Variants in UBE2E2 observed in about 807,000 individuals in gnomAD.
UBE2E2 encodes ubiquitin conjugating enzyme E2 E2, also known as ubiquitin-conjugating enzyme E2 E2.
In UBE2E2, 6 loss-of-function variants were observed where a neutral mutation model predicts 24.7. The observed-to-expected ratio is 0.24, with a 90% confidence interval of 0.13 to 0.48. The LOEUF (loss-of-function observed/expected upper bound fraction) is 0.48, where lower values mean the gene tolerates loss of function less well. UBE2E2 is among the 20% of genes least tolerant of loss of function. The probability of loss-of-function intolerance (pLI) is 0.99; values close to 1 mark genes in which losing one functional copy is unlikely to be tolerated. For missense variants in UBE2E2, 169 were observed against 245.0 expected (o/e 0.69, Z 2.07); for synonymous variants, 104 against 83.6 (o/e 1.24, Z -1.33).
At chr3:23,448,728 TA>T (rs1698489062) in intron 3 of UBE2E2, among the ~76,000 whole-genome samples, 1 of 152,170 alleles carries the variant, frequency 6.6e-6, no homozygotes. Context: ...ATCTTTCTTG[TA>T]ATGTAGACAG....
At chr3:23,367,111 T>C (rs1293941180) in intron 3 of UBE2E2, among the ~76,000 whole-genome samples, 8 of 152,226 alleles carry the variant, frequency 5.3e-5, no homozygotes, top group Non-Finnish European at 1.2e-4. Context: ...CCTGCAGTTC[T>C]CCATCATCCC....
In UBE2E2 at chr3:23,227,502, A is replaced by G. The variant is rs544054906; in HGVS notation, c.227+10190A>G. Among the ~76,000 whole-genome samples, 148 of 152,192 alleles carry G rather than the reference A, an allele frequency of 9.7e-4. 1 individual carries two copies. The highest frequency in any genetic ancestry group is 1.7e-3 in the Non-Finnish European group (117 of 68,026). On this transcript the variant is annotated intron_variant, in intron 3 of 5. Transcript: ENST00000396703. The stretch of plus-strand genomic sequence containing the variant: ...TTAACATGATAAAATTTAAATATAC[A>G]TTGAGGACCTATGTTATTTATTTAG...
chr3:23,561,471 A>T (rs949345644), intron 5 of UBE2E2, among the ~76,000 whole-genome samples: 1 of 152,030 alleles, frequency 6.6e-6, no homozygotes, highest in African/African-American at 2.4e-5. Context: ...TTTGGTTACT[A>T]TGGCCTTGTA....
intron 2 of UBE2E2, among the ~76,000 whole-genome samples, chr3:23,213,906 C>G (rs1223926781): frequency 6.6e-6 from 1 of 152,098 alleles, no homozygotes; most frequent in Non-Finnish European, 1.5e-5. Flanking sequence ...TTTCCTCACC[C>G]TAAGAGACAG....
intron 3 of UBE2E2, among the ~76,000 whole-genome samples, chr3:23,265,463 C>G (rs1015562868): frequency 2.0e-5 from 3 of 152,096 alleles, no homozygotes; most frequent in Admixed American, 2.0e-4. Context: ...CTATCCTGAA[C>G]TCTAAATAAG....
At position 23,212,163 on chromosome 3, in the gene UBE2E2, G is replaced by A. The variant is rs190080626; in HGVS notation, c.176+3288G>A. 4.3e-3 allele frequency among the ~76,000 whole-genome samples: 654 copies of A among 152,286 alleles called. 1 individual carries two copies. Among genetic ancestry groups the A allele is most frequent in the Non-Finnish European group, 6.7e-3 (458 of 68,010 alleles). On this transcript the variant is annotated intron_variant, in intron 2 of 5. Coordinates refer to ENST00000396703, the MANE Select transcript of UBE2E2 (RefSeq NM_152653.4). ...ATCTCATTTGTGATATTATAGAATA[G>A]TGGTATATAATACAGAAAACATTTA...
At chr3:23,414,744 A>G (rs1159872288) in intron 3 of UBE2E2, among the ~76,000 whole-genome samples, 3 of 152,132 alleles carry the variant, frequency 2.0e-5, no homozygotes, top group Non-Finnish European at 4.4e-5. Flanking sequence ...ATGAAAGTGG[A>G]GCTGTGATAA....
intron 4 of UBE2E2, among the ~76,000 whole-genome samples, chr3:23,510,345 G>A (rs1043271289): frequency 1.2e-4 from 18 of 152,144 alleles, no homozygotes; most frequent in Non-Finnish European, 1.9e-4. Flanking sequence ...GGTGGCTCAC[G>A]CCTGTAATCC....
intron 3 of UBE2E2, among the ~76,000 whole-genome samples, chr3:23,382,167 C>T (rs1377002228): frequency 5.5e-5 from 8 of 146,218 alleles, no homozygotes; most frequent in Admixed American, 2.8e-4. Flanking sequence ...TTCATAATTA[C>T]GAATACTTTA....
At chr3:23,531,846 G>C (rs1032792053) in intron 4 of UBE2E2, among the ~76,000 whole-genome samples, 5 of 152,098 alleles carry the variant, frequency 3.3e-5, no homozygotes, top group African/African-American at 1.2e-4. Context: ...CGGATGACTT[G>C]AGGTCAGGAG....
chr3:23,434,179 G>A (rs1698130507), intron 3 of UBE2E2, among the ~76,000 whole-genome samples: 2 of 151,952 alleles, frequency 1.3e-5, no homozygotes, highest in Non-Finnish European at 2.9e-5. Context: ...TTTATTACAG[G>A]CTTTATTACT....
chr3:23,213,980 A>G lies in UBE2E2; in HGVS notation c.177-3282A>G, dbSNP rs149944395. The stretch of plus-strand genomic sequence containing the variant: ...GCTGAGAAACTTAATACATACCATA[A>G]TCACAACTTTTGAGATAGAATTGAA... On this transcript the variant is annotated intron_variant, in intron 2 of 5. Transcript: ENST00000396703. Among the ~76,000 whole-genome samples, 344 of 152,294 alleles carry G rather than the reference A, an allele frequency of 2.3e-3. 2 individuals carry two copies. Among genetic ancestry groups the G allele is most frequent in the African/African-American group, 7.9e-3 (328 of 41,558 alleles).
intron 3 of UBE2E2, among the ~76,000 whole-genome samples, chr3:23,446,708 T>G (rs1266752660): frequency 7.0e-6 from 1 of 142,414 alleles, no homozygotes; most frequent in Non-Finnish European, 1.5e-5. Context: ...GGTTTTTTTT[T>G]TTTTTTTTTT....
chr3:23,497,464 T>A (rs1035686468), intron 3 of UBE2E2, among the ~76,000 whole-genome samples: 1 of 152,132 alleles, frequency 6.6e-6, no homozygotes, highest in South Asian at 2.1e-4. Context: ...CAACAGGAGG[T>A]GGCTACAAAA....
intron 3 of UBE2E2, among the ~76,000 whole-genome samples, chr3:23,467,577 T>A (rs768938893): frequency 6.6e-6 from 1 of 152,186 alleles, no homozygotes; most frequent in African/African-American, 2.4e-5. Context: ...ATAAAAGGGT[T>A]CCTGCAGTGT....
chr3:23,340,047 T>G (rs1695337684), intron 3 of UBE2E2, among the ~76,000 whole-genome samples: 1 of 152,120 alleles, frequency 6.6e-6, no homozygotes, highest in Admixed American at 6.6e-5. Flanking sequence ...AATACATGGA[T>G]AAGCTGAAGC....
chr3:23,327,216 A>T (rs1247871523), intron 3 of UBE2E2, among the ~76,000 whole-genome samples: 1 of 152,210 alleles, frequency 6.6e-6, no homozygotes, highest in African/African-American at 2.4e-5. Flanking sequence ...GTCAAATAGT[A>T]CTTCTAGTTC....
At chr3:23,579,056 G>A (rs1273587883) in intron 5 of UBE2E2, among the ~76,000 whole-genome samples, 2 of 152,160 alleles carry the variant, frequency 1.3e-5, no homozygotes, top group Non-Finnish European at 2.9e-5. Flanking sequence ...CCATTCTGAA[G>A]GCCATGTATC....
At chr3:23,478,849 T>G (rs1699192782) in intron 3 of UBE2E2, among the ~76,000 whole-genome samples, 3 of 151,746 alleles carry the variant, frequency 2.0e-5, no homozygotes, top group African/African-American at 7.3e-5. Context: ...AGAACCAGCC[T>G]GGGCAAAATA....
Sources: gnomAD v4.1 joint callset for allele counts (sites outside exome capture counted in the v4.1 genomes callset) on GRCh38, gnomAD v4.1.1 for gene constraint, MANE v1.5 for transcripts, NCBI Gene and HGNC (gene_info 2026-07-23, HGNC 2026-07-21) for gene names.